TSPAN19: variants seen among roughly 807,000 people sequenced by gnomAD.
The protein encoded by TSPAN19 is tetraspanin 19, also known as tetraspanin-19.
In TSPAN19, 44 loss-of-function variants were observed where a neutral mutation model predicts 35.1. The observed-to-expected ratio is 1.25, with a 90% CI of 0.98 to 1.61. TSPAN19 has a LOEUF of 1.61. Among genes scored for constraint, TSPAN19 ranks in the 40% most tolerant of loss-of-function variants. The pLI, the probability that TSPAN19 is intolerant of heterozygous loss-of-function variation, is 0.00. For synonymous variants in TSPAN19, 79 were observed against 92.0 expected, an observed-to-expected ratio of 0.86 and a Z score of 0.81; for missense variants, 290 against 280.0, an observed-to-expected ratio of 1.04 and a Z score of -0.26.
chr12:85,017,407 A>C (rs1412476024), intron 7 of TSPAN19, 49 bp downstream of exon 7: 3 of 1,524,282 alleles, frequency 2.0e-6, no homozygotes, highest in Non-Finnish European at 1.8e-6. Context: ...TTGCAAAATA[A>C]ACAAACAAAA....
intron 4 of TSPAN19, among the ~76,000 whole-genome samples, chr12:85,025,718 G>T (rs1877377278): frequency 6.6e-6 from 1 of 151,862 alleles, no homozygotes; most frequent in Admixed American, 6.6e-5. Context: ...GTAGAGATGG[G>T]GTTTCCCCAT....
chr12:85,028,407 T>C (rs1877526036), intron 3 of TSPAN19, among the ~76,000 whole-genome samples: 2 of 152,226 alleles, frequency 1.3e-5, no homozygotes. Flanking sequence ...GTGAGTTAGA[T>C]GTATACACCC....
Position 85,028,010 on chromosome 12 carries a change from G to T in TSPAN19, c.153C>A (p.His51Gln). ...NFLTAFDENN[H>Q]FIVPISQILI... ...AAATTTGAGAAATAGGTACTATGAAGTGATTATTTTCATCTGTGAAAAGTA... is the reference window on the plus strand; with the variant it reads ...AAATTTGAGAAATAGGTACTATGAATTGATTATTTTCATCTGTGAAAAGTA... The change falls in exon 4 of 9, where the codon CAC becomes CAA. Residue 51 changes from histidine to glutamine, a missense_variant. By Grantham distance (24) the His-to-Gln change is conservative. Coordinates refer to ENST00000532498, the MANE Select transcript of TSPAN19 (RefSeq NM_001100917.2). 1 of 1,567,358 alleles carries T rather than the reference G, an allele frequency of 6.4e-7. No homozygotes were observed. Among genetic ancestry groups the T allele is most frequent in the Non-Finnish European group, 8.7e-7 (1 of 1,152,148 alleles).
At chr12:85,028,056 T>C (rs766503155) in intron 3 of TSPAN19, 33 bp from the exon 4 acceptor site, 1 of 1,461,530 alleles carries the variant, frequency 6.8e-7, no homozygotes, top group East Asian at 2.4e-5. Context: ...TATTATGAAG[T>C]GGTATTTTAT....
intron 8 of TSPAN19, chr12:85,015,549 C>T (rs765942553): frequency 0.042 from 6,669 of 159,626 alleles, 321 homozygotes; most frequent in East Asian, 0.18. Flanking sequence ...TATACACACA[C>T]ACACACACAC....
Position 85,015,971 on chromosome 12 carries a change from C to A in TSPAN19, c.595G>T (p.Gly199Cys). The change falls in exon 8 of 9, where the codon GGT becomes TGT. Residue 199 changes from glycine (G) to cysteine (C), a missense_variant and splice_region_variant. Transcript: ENST00000532498. ...CATGCACTGATTTTATTTTCACAAC[C>A]CTAAGAAAAAGAAGTTATTCAGATG... ...DEPLNATYLEGCENKISAWYN... is the reference protein window; with the variant it reads ...DEPLNATYLECCENKISAWYN... 2.0e-6 allele frequency: 3 copies of A among 1,523,786 alleles called. No homozygotes were observed. Among genetic ancestry groups the A allele is most frequent in the Non-Finnish European group, 2.7e-6 (3 of 1,131,118 alleles). The allele number at this position is 1,523,786 out of a possible 1,614,324, so 94.4% of individuals were successfully genotyped here.
At chr12:85,025,277 C>T (rs1211848568) in intron 4 of TSPAN19, among the ~76,000 whole-genome samples, 1 of 147,510 alleles carries the variant, frequency 6.8e-6, no homozygotes, top group Admixed American at 6.8e-5. Flanking sequence ...CTGGGATTAC[C>T]AGTGCCCACC....
intron 4 of TSPAN19, among the ~76,000 whole-genome samples, chr12:85,025,128 T>C (rs1592664057): frequency 1.3e-5 from 2 of 151,774 alleles, no homozygotes; most frequent in Admixed American, 1.3e-4. Context: ...GCAGGAAAAA[T>C]TATATGAAAC....
intron 1 of TSPAN19, among the ~76,000 whole-genome samples, chr12:85,035,529 C>A (rs541263627): frequency 1.7e-3 from 262 of 152,018 alleles, no homozygotes; most frequent in African/African-American, 6.2e-3. Flanking sequence ...TTATTGTTAC[C>A]AGGAAATGTA....
At chr12:85,028,743 G>C (rs1031816237) in intron 3 of TSPAN19, among the ~76,000 whole-genome samples, 1 of 152,124 alleles carries the variant, frequency 6.6e-6, no homozygotes, top group African/African-American at 2.4e-5. Flanking sequence ...AATTCACTTT[G>C]ACACCTTGAA....
intron 6 of TSPAN19, 135 bp downstream of exon 6, chr12:85,019,491 C>A (rs898564645): frequency 1.8e-6 from 1 of 569,578 alleles, no homozygotes; most frequent in Non-Finnish European, 3.1e-6. Flanking sequence ...GGAGAATGCC[C>A]TTTTTGCCCA....
At chr12:85,027,292 GAA>G (rs757815155) in intron 4 of TSPAN19, among the ~76,000 whole-genome samples, 38 of 151,994 alleles carry the variant, frequency 2.5e-4, no homozygotes, top group Non-Finnish European at 4.7e-4. Flanking sequence ...AAGAGGGGAG[GAA>G]AAGAGTGGGG....
chr12:85,025,355 C>G (rs765764752), intron 4 of TSPAN19, among the ~76,000 whole-genome samples: 2 of 151,380 alleles, frequency 1.3e-5, no homozygotes, highest in Non-Finnish European at 2.9e-5. Context: ...AGGCTGGTCT[C>G]CAACTACTGG....
chr12:85,029,421 A>G (rs1877578031), intron 3 of TSPAN19, among the ~76,000 whole-genome samples: 1 of 152,118 alleles, frequency 6.6e-6, no homozygotes, highest in Non-Finnish European at 1.5e-5. Context: ...TCAAATATGT[A>G]TCATTTTTGT....
intron 1 of TSPAN19, among the ~76,000 whole-genome samples, chr12:85,032,394 T>A (rs533374753): frequency 6.6e-6 from 1 of 152,242 alleles, no homozygotes; most frequent in South Asian, 2.1e-4. Flanking sequence ...AATCAAGGCA[T>A]GATCTCATGG....
chr12:85,024,567 C>G (rs1423819461), intron 4 of TSPAN19: 3 of 152,224 alleles, frequency 2.0e-5, no homozygotes, highest in Admixed American at 6.6e-5. Context: ...CACTTTAGAT[C>G]AGGAGTTCAA....
At chr12:85,019,252 C>A (rs1018565319) in intron 6 of TSPAN19, among the ~76,000 whole-genome samples, 3 of 151,908 alleles carry the variant, frequency 2.0e-5, no homozygotes, top group African/African-American at 7.2e-5. Context: ...AACCACAAAG[C>A]TATTGCACAG....
chr12:85,030,563 G>A (rs892904519), intron 1 of TSPAN19, among the ~76,000 whole-genome samples: 16 of 151,952 alleles, frequency 1.1e-4, no homozygotes, highest in African/African-American at 3.1e-4. Flanking sequence ...TTTAAGTGGC[G>A]AGAGTATGTC....
Position 85,015,902 on chromosome 12 carries a change from G to A in TSPAN19, c.664C>T (p.Leu222Phe). 6.5e-7 allele frequency: 1 copy of A among 1,547,860 alleles called. No homozygotes were observed. The highest frequency in any genetic ancestry group is 8.7e-7 in the Non-Finnish European group (1 of 1,144,904). ...VLTLIGINFG[L>F]LTSEVFQVSL... ...CAAAAGCTTACCTCTGAAGTTAAAA[G>A]TCCAAAGTTAATTCCGATTAAGGTT... Residue 222 changes from leucine (L) to phenylalanine (F), a missense_variant, in exon 8 of 9, where the codon CTT becomes TTT. Transcript: ENST00000532498.
Sources: allele counts gnomAD v4.1 joint callset (sites outside exome capture counted in the v4.1 genomes callset), GRCh38; gene constraint gnomAD v4.1.1; transcripts MANE v1.5; gene names NCBI Gene and HGNC (gene_info 2026-07-23, HGNC 2026-07-21).